DNAH5: variants seen among roughly 807,000 people sequenced by gnomAD.
DNAH5 encodes axonemal beta dynein heavy chain 5.
DNAH5 carries 372 observed loss-of-function variants against 518.2 expected under a neutral mutation model. The observed-to-expected ratio is 0.72, with a 90% confidence interval of 0.66 to 0.78. The LOEUF is 0.78. Among genes scored for constraint, DNAH5 ranks in the 30% least tolerant of loss-of-function variants. The probability of loss-of-function intolerance (pLI) is 0.00; values close to 1 mark genes in which losing one functional copy is unlikely to be tolerated. For missense variants in DNAH5, 5,523 were observed against 5,687.0 expected, an observed-to-expected ratio of 0.97 and a Z score of 0.93; for synonymous variants, 2,039 against 2,025.9, an observed-to-expected ratio of 1.01 and a Z score of -0.17.
rs112018333 is a variant in DNAH5, at chr5:13,868,794, A to C, written c.3835-802T>G. 3.5e-3 allele frequency among the ~76,000 whole-genome samples: 534 copies of C among 152,312 alleles called. 3 individuals carry two copies. The highest frequency in any genetic ancestry group is 0.012 in the African/African-American group (513 of 41,574). On this transcript the variant is annotated intron_variant, in intron 24 of 78. Coordinates refer to ENST00000265104, the MANE Select transcript of DNAH5 (RefSeq NM_001369.3). ...GTAATACCAAGACCTACAGCTTTCC[A>C]ACACTGCCTCTGATGGATGAGGAAG...
At chr5:13,696,499 C>T (rs1031439440) in intron 78 of DNAH5, among the ~76,000 whole-genome samples, 2 of 152,058 alleles carry the variant, frequency 1.3e-5, no homozygotes, top group East Asian at 3.9e-4. Flanking sequence ...ATCTAGATTT[C>T]TTCTTGTAGA....
chr5:13,901,627 T>C, intron 13 of DNAH5, 54 bp from the exon 14 acceptor site: 1 of 1,156,652 alleles, frequency 8.6e-7, no homozygotes. Flanking sequence ...ATAAATAAAA[T>C]ACACAATAAA....
intron 1 of DNAH5, among the ~76,000 whole-genome samples, chr5:13,941,163 T>A (rs2591535): frequency 6.6e-6 from 1 of 152,072 alleles, no homozygotes; most frequent in African/African-American, 2.4e-5. Context: ...GATCAGTCTG[T>A]GCAGCATAGC....
intron 1 of DNAH5, among the ~76,000 whole-genome samples, chr5:13,985,465 A>G (rs1020613312): frequency 8.0e-6 from 1 of 124,720 alleles, no homozygotes; most frequent in African/African-American, 3.0e-5. Context: ...ATATATATAT[A>G]TAAAGCAAAG....
chr5:13,747,217 C>T (rs1437473449), intron 65 of DNAH5, among the ~76,000 whole-genome samples: 1 of 152,162 alleles, frequency 6.6e-6, no homozygotes, highest in Non-Finnish European at 1.5e-5. Context: ...AGGACATGAA[C>T]TCATCCTTTT....
At chr5:13,936,248 A>C (rs1404649632) in intron 1 of DNAH5, among the ~76,000 whole-genome samples, 1 of 152,154 alleles carries the variant, frequency 6.6e-6, no homozygotes, top group African/African-American at 2.4e-5. Context: ...AAAGTGTTGG[A>C]CTAGGTGACA....
In DNAH5 at chr5:13,708,256, C is replaced by T; in HGVS notation, c.13205G>A (p.Arg4402Lys). ...GGTGCTGCGGACAAGGCTGAGTACCCTTTGCATTCTGTCTATTTCCTGCCT... is the reference window on the plus strand; with the variant it reads ...GGTGCTGCGGACAAGGCTGAGTACCTTTTGCATTCTGTCTATTTCCTGCCT... ...FLRQEIDRMQ[R>K]VLSLVRSTLT... Residue 4402 changes from arginine (R) to lysine (K), a missense_variant, in exon 76 of 79, where the codon AGG (arginine) becomes AAG (lysine). This residue lies in a region of DNAH5 where 387 missense variants were observed against 430.0 expected (regional missense o/e 0.90). Coordinates refer to ENST00000265104, the MANE Select transcript of DNAH5 (RefSeq NM_001369.3). The T allele has an allele frequency of 6.2e-7, 1 of 1,614,140 alleles. No homozygotes were observed. The highest frequency in any genetic ancestry group is 1.3e-5 in the African/African-American group (1 of 75,040).
rs561495955 is a variant in DNAH5 at position 13,770,950 on chromosome 5, A to G, written c.9404T>C (p.Ile3135Thr). ...CTTCTTGATTTCCAAACTGCAGTCAATATCATAGGAAGTGAGGAAGTGTTC... is the reference window on the plus strand; with the variant it reads ...CTTCTTGATTTCCAAACTGCAGTCAGTATCATAGGAAGTGAGGAAGTGTTC... ...VSEHFLTSYD[I>T]DCSLEIKKEV... The change falls in exon 56 of 79, where the codon ATT becomes ACT. Residue 3135 changes from isoleucine (I) to threonine (T), a missense_variant. Around this residue, in one of 3 missense-constraint regions of DNAH5, gnomAD observed 5,121 missense variants for 5,223.3 expected, o/e 0.98. Coordinates refer to ENST00000265104, the MANE Select transcript of DNAH5 (RefSeq NM_001369.3). The G allele has an allele frequency of 2.5e-5, 40 of 1,613,980 alleles. No homozygotes were observed. The South Asian group carries it at 4.4e-4, about 18-fold the overall frequency.
chr5:13,697,508 T>C (rs1045646523), intron 78 of DNAH5, among the ~76,000 whole-genome samples: 1 of 152,246 alleles, frequency 6.6e-6, no homozygotes, highest in Non-Finnish European at 1.5e-5. Context: ...ACAGCCTCTC[T>C]AGCTTGTTGT....
rs1554104144 is a variant in DNAH5 at position 13,921,750 on chromosome 5, A to AGC, written c.660+356_660+357insGC. On this transcript the variant is annotated intron_variant, in intron 5 of 78. Coordinates refer to ENST00000265104, the MANE Select transcript of DNAH5 (RefSeq NM_001369.3). ...CCACCTCCATCTGCCGCCCACACACACCCCCCCACACACACACACACTTCA... is the reference window on the plus strand; with the variant it reads ...CCACCTCCATCTGCCGCCCACACACAGCCCCCCCCACACACACACACACTTCA... Among the ~76,000 whole-genome samples, 450 of 134,374 alleles carry AGC rather than the reference A, an allele frequency of 3.3e-3. 8 individuals carry two copies. The highest frequency in any genetic ancestry group is 0.024 in the South Asian group (99 of 4,094). The allele number at this position is 134,374 out of a possible 152,430, so 88.2% of individuals were successfully genotyped here.
intron 1 of DNAH5, among the ~76,000 whole-genome samples, chr5:13,939,785 G>A (rs1308196222): frequency 6.6e-6 from 1 of 152,070 alleles, no homozygotes; most frequent in Non-Finnish European, 1.5e-5. Context: ...AGCTGCAGAG[G>A]AAGCACGGCA....
Position 13,900,217 on chromosome 5 carries a change from T to C in DNAH5, c.2248A>G (p.Ser750Gly). ...TAAAAGTAGTATACCTTCATGTTAC[T>C]GAAGTTCCTTTTGTATCTATCTCGT... ...QKRDRYKRNF[S>G]NMKMMLAEYQ... is the part of the protein sequence containing the mutation. Residue 750 changes from serine to glycine, a missense_variant, in exon 15 of 79, where the codon AGT becomes GGT. Ser to Gly is a moderately conservative substitution (Grantham distance 56). Transcript: ENST00000265104. 6.2e-7 allele frequency: 1 copy of C among 1,613,728 alleles called. No homozygotes were observed. Among genetic ancestry groups the C allele is most frequent in the Non-Finnish European group, 8.5e-7 (1 of 1,179,564 alleles).
chr5:14,006,503 G>T (rs1189007747), intron 1 of DNAH5, among the ~76,000 whole-genome samples: 5 of 152,082 alleles, frequency 3.3e-5, no homozygotes, highest in African/African-American at 1.2e-4. Context: ...ATCTTCACAT[G>T]GTCACCCCTC....
chr5:13,782,136 G>T (rs1033605653), intron 52 of DNAH5, among the ~76,000 whole-genome samples: 1 of 152,120 alleles, frequency 6.6e-6, no homozygotes, highest in Admixed American at 6.5e-5. Context: ...GAGCCTAGGG[G>T]TATCACTGCG....
chr5:13,938,943 G>A (rs903336458), intron 1 of DNAH5, among the ~76,000 whole-genome samples: 3 of 152,292 alleles, frequency 2.0e-5, no homozygotes, highest in African/African-American at 7.2e-5. Flanking sequence ...TGTATGCCTG[G>A]CTGAAATACC....
intron 1 of DNAH5, among the ~76,000 whole-genome samples, chr5:13,953,049 C>T (rs911555629): frequency 2.6e-4 from 40 of 152,172 alleles, no homozygotes; most frequent in Admixed American, 1.3e-4. Context: ...AGCAAAATTG[C>T]TATTAATAAA....
At chr5:13,753,627 A>T in intron 62 of DNAH5, 78 bp from the exon 63 acceptor site, 1 of 1,296,212 alleles carries the variant, frequency 7.7e-7, no homozygotes. Flanking sequence ...AATGAAAAAA[A>T]TTAAAAAGAC....
At chr5:13,705,509 G>A (rs1742670807) in intron 76 of DNAH5, among the ~76,000 whole-genome samples, 1 of 152,082 alleles carries the variant, frequency 6.6e-6, no homozygotes, top group African/African-American at 2.4e-5. Flanking sequence ...AACAGTTTTT[G>A]TCCCATCTCC....
intron 50 of DNAH5, 65 bp downstream of exon 50, chr5:13,791,928 TA>T: frequency 7.4e-7 from 1 of 1,351,986 alleles, no homozygotes; most frequent in Admixed American, 2.0e-5. Context: ...AATAAATCAA[TA>T]AAAATATTTA....
Sources: allele counts gnomAD v4.1 joint callset (sites outside exome capture counted in the v4.1 genomes callset), GRCh38; gene constraint gnomAD v4.1.1; regional missense constraint gnomAD v4.1.1; transcripts MANE v1.5; gene names NCBI Gene and HGNC (gene_info 2026-07-23, HGNC 2026-07-21).